The following KCNQ3 variants were observed in gnomAD, a reference collection of about 807,000 sequenced individuals.
KCNQ3 encodes potassium voltage-gated channel subfamily KQT member 3.
KCNQ3 carries 30 observed loss-of-function variants against 92.5 expected under a neutral mutation model. That is an observed-to-expected ratio of 0.32 (90% CI 0.24 to 0.44). The LOEUF (loss-of-function observed/expected upper bound fraction) is 0.44. Ranked by LOEUF, KCNQ3 falls within the 20% of genes least tolerant of loss-of-function variation. The pLI, the probability that KCNQ3 is intolerant of heterozygous loss-of-function variation, is 1.00. For synonymous variants in KCNQ3, 450 were observed against 468.8 expected, an observed-to-expected ratio of 0.96 and a Z score of 0.52; for missense variants, 913 against 1,140.3, an observed-to-expected ratio of 0.80 and a Z score of 2.87.
chr8:132,312,441 G>A (rs1817622653), intron 1 of KCNQ3, among the ~76,000 whole-genome samples: 1 of 152,158 alleles, frequency 6.6e-6, no homozygotes, highest in Non-Finnish European at 1.5e-5. Flanking sequence ...AGCTACCACA[G>A]GCAGAACCTT....
chr8:132,462,495 G>C (rs1398514713), intron 1 of KCNQ3, among the ~76,000 whole-genome samples: 2 of 152,168 alleles, frequency 1.3e-5, no homozygotes, highest in African/African-American at 2.4e-5. Context: ...GCTGTGAATT[G>C]TACACTTTTA....
chr8:132,280,232 T>C (rs1422542035), intron 1 of KCNQ3, among the ~76,000 whole-genome samples: 1 of 152,144 alleles, frequency 6.6e-6, no homozygotes, highest in Non-Finnish European at 1.5e-5. Context: ...ACTTGGGTGG[T>C]TATATTAGTC....
intron 1 of KCNQ3, among the ~76,000 whole-genome samples, chr8:132,246,877 A>G (rs1197531776): frequency 6.6e-6 from 1 of 152,074 alleles, no homozygotes; most frequent in Non-Finnish European, 1.5e-5. Context: ...GCTACACAAG[A>G]CTCTGAGTCT....
At chr8:132,135,060 T>A (rs1202126599) in intron 12 of KCNQ3, among the ~76,000 whole-genome samples, 1 of 152,202 alleles carries the variant, frequency 6.6e-6, no homozygotes, top group African/African-American at 2.4e-5. Flanking sequence ...ATGGGGGTTA[T>A]CTTTTCTGCT....
chr8:132,182,195 G>A (rs1826805327), intron 3 of KCNQ3, among the ~76,000 whole-genome samples: 1 of 152,168 alleles, frequency 6.6e-6, no homozygotes, highest in Non-Finnish European at 1.5e-5. Context: ...TCATTTGCCA[G>A]GCTTCTCAGA....
intron 1 of KCNQ3, among the ~76,000 whole-genome samples, chr8:132,313,312 G>A (rs1289373932): frequency 2.0e-5 from 3 of 152,190 alleles, no homozygotes; most frequent in African/African-American, 7.2e-5. Flanking sequence ...AGAGAACCTG[G>A]TCTCTGTGAA....
chr8:132,340,612 G>A (rs930772555), intron 1 of KCNQ3, among the ~76,000 whole-genome samples: 26 of 152,134 alleles, frequency 1.7e-4, no homozygotes, highest in African/African-American at 6.0e-4. Context: ...GGCCTATTGG[G>A]GGGTGGTGGG....
intron 1 of KCNQ3, among the ~76,000 whole-genome samples, chr8:132,390,652 G>C (rs1820027083): frequency 6.6e-6 from 1 of 152,060 alleles, no homozygotes; most frequent in African/African-American, 2.4e-5. Flanking sequence ...CCAGTCTCCA[G>C]CACTCTCCAG....
chr8:132,150,888 G>A (rs1394515842), intron 9 of KCNQ3, among the ~76,000 whole-genome samples: 8 of 152,042 alleles, frequency 5.3e-5, no homozygotes, highest in Non-Finnish European at 1.2e-4. Flanking sequence ...CTAAAAGAAG[G>A]TAAGTGCTTG....
At chr8:132,286,630 C>T (rs1268434944) in intron 1 of KCNQ3, among the ~76,000 whole-genome samples, 1 of 152,134 alleles carries the variant, frequency 6.6e-6, no homozygotes, top group Non-Finnish European at 1.5e-5. Context: ...TTTGAGGCTA[C>T]TGGGATGGAT....
At chr8:132,321,924 T>G (rs997021249) in intron 1 of KCNQ3, among the ~76,000 whole-genome samples, 1 of 151,936 alleles carries the variant, frequency 6.6e-6, no homozygotes, top group Non-Finnish European at 1.5e-5. Flanking sequence ...CTGTTCACAG[T>G]CCCCCCTACT....
At chr8:132,315,568 G>GT (rs1419329037) in intron 1 of KCNQ3, among the ~76,000 whole-genome samples, 1 of 151,862 alleles carries the variant, frequency 6.6e-6, no homozygotes, top group Non-Finnish European at 1.5e-5. Context: ...AAGTTTAAGT[G>GT]TTTTTTTTCC....
In KCNQ3 at chr8:132,314,205, G is replaced by A. The variant is rs116429824; in HGVS notation, c.387-128024C>T. Among the ~76,000 whole-genome samples the A allele has an allele frequency of 4.7e-3, 717 of 152,240 alleles. 5 individuals carry two copies. The highest frequency in any genetic ancestry group is 0.017 in the African/African-American group (696 of 41,536). On this transcript the variant is annotated intron_variant, in intron 1 of 14. Transcript: ENST00000388996. ...TCCCAATGCAAAACATTTCCTAAAT[G>A]TAAACACTTAGGAAAGATAAAATTT...
chr8:132,303,219 C>A (rs1485678593), intron 1 of KCNQ3, among the ~76,000 whole-genome samples: 1 of 152,080 alleles, frequency 6.6e-6, no homozygotes, highest in East Asian at 1.9e-4. Context: ...TATTTAGGTG[C>A]TTATGGAACC....
At chr8:132,461,339 A>G (rs1385195451) in intron 1 of KCNQ3, among the ~76,000 whole-genome samples, 1 of 152,062 alleles carries the variant, frequency 6.6e-6, no homozygotes, top group Non-Finnish European at 1.5e-5. Context: ...CGAGGCGGGT[A>G]GATCACATGA....
intron 9 of KCNQ3, among the ~76,000 whole-genome samples, chr8:132,146,480 G>C (rs943869601): frequency 3.3e-5 from 5 of 152,206 alleles, no homozygotes; most frequent in Non-Finnish European, 5.9e-5. Flanking sequence ...CAGGGCCTGG[G>C]AGCATGGAAC....
At chr8:132,398,063 C>T (rs1266317793) in intron 1 of KCNQ3, among the ~76,000 whole-genome samples, 1 of 152,226 alleles carries the variant, frequency 6.6e-6, no homozygotes, top group African/African-American at 2.4e-5. Flanking sequence ...CAGAGGCAAA[C>T]ACTGAGAATT....
chr8:132,415,733 C>CA (rs370381203), intron 1 of KCNQ3, among the ~76,000 whole-genome samples: 29 of 144,266 alleles, frequency 2.0e-4, no homozygotes, highest in Middle Eastern at 3.5e-3. Flanking sequence ...CTCAACGGGA[C>CA]AAAAAAAAAA....
chr8:132,172,397 T>TACAC lies in KCNQ3; in HGVS notation c.1140+197_1140+200dup, dbSNP rs35831322. Among the ~76,000 whole-genome samples, 2,654 of 140,444 alleles carry TACAC rather than the reference T, an allele frequency of 0.019. 60 individuals carry two copies. The highest frequency in any genetic ancestry group is 0.054 in the African/African-American group (2,069 of 38,106). The allele number at this position is 140,444 out of a possible 152,430, so 92.1% of individuals were successfully genotyped here. A position where few individuals can be genotyped will look rare whatever the true frequency, so the allele number is the denominator to read the frequency against. On this transcript the variant is annotated intron_variant, in intron 7 of 14. Transcript: ENST00000388996. ...GCCTGCTCCTGCCTGGGCACATTAA[T>TACAC]ACACACACACACACACACACACACA... is the stretch of plus-strand genomic sequence containing the variant.
Sources: gnomAD v4.1 joint callset for allele counts (sites outside exome capture counted in the v4.1 genomes callset) on GRCh38, gnomAD v4.1.1 for gene constraint, MANE v1.5 for transcripts, NCBI Gene and HGNC (gene_info 2026-07-23, HGNC 2026-07-21) for gene names.